The following PRKCH variants were observed in gnomAD, a reference collection of about 807,000 sequenced individuals.
PRKCH encodes the protein protein kinase C eta type.
A neutral mutation model predicts 82.5 loss-of-function variants in PRKCH; 28 were observed. The ratio of observed to expected loss-of-function variants is 0.34; its 90% CI spans 0.25 to 0.47. PRKCH has a LOEUF of 0.47. PRKCH is among the 20% of genes least tolerant of loss of function. The pLI is 1.00. For synonymous variants in PRKCH, 322 were observed against 327.4 expected (o/e 0.98, Z 0.18); for missense variants, 705 against 881.8 (o/e 0.80, Z 2.54).
At chr14:61,481,521 TCACAACTGTG>T (rs1555391761) in intron 9 of PRKCH, among the ~76,000 whole-genome samples, 1 of 152,246 alleles carries the variant, frequency 6.6e-6, no homozygotes, top group Non-Finnish European at 1.5e-5. Context: ...TCAAACAGCC[TCACAACTGTG>T]TCTTTCCCAT....
At chr14:61,530,698 C>A in intron 12 of PRKCH, 103 bp downstream of exon 12, 1 of 1,089,046 alleles carries the variant, frequency 9.2e-7, no homozygotes, top group Non-Finnish European at 1.3e-6. Flanking sequence ...ACCACTAGCT[C>A]TAACTAAAAT....
At position 61,356,989 on chromosome 14, in the gene PRKCH, G is replaced by C. The variant is rs543460894; in HGVS notation, c.364-34236G>C. 2.6e-5 allele frequency among the ~76,000 whole-genome samples: 4 copies of C among 152,310 alleles called. No individual in the cohort carries two copies. In the East Asian group the frequency reaches 7.7e-4, roughly 29 times the overall value. On this transcript the variant is annotated intron_variant, in intron 1 of 13. Coordinates refer to ENST00000332981, the MANE Select transcript of PRKCH (RefSeq NM_006255.5). ...GAGCCACCACACCTGGCCTTATTTAGTTCTTTCTTACTATGGCTAGAACCC... is the reference window on the plus strand; with the variant it reads ...GAGCCACCACACCTGGCCTTATTTACTTCTTTCTTACTATGGCTAGAACCC...
intron 12 of PRKCH, among the ~76,000 whole-genome samples, chr14:61,530,854 T>A (rs2043036747): frequency 6.6e-6 from 1 of 152,250 alleles, no homozygotes; most frequent in Non-Finnish European, 1.5e-5. Flanking sequence ...AAATAGCAAG[T>A]ATTTCTAGCA....
intron 9 of PRKCH, 97 bp from the exon 10 acceptor site, chr14:61,485,405 T>C: frequency 7.0e-7 from 1 of 1,423,280 alleles, no homozygotes; most frequent in Admixed American, 2.1e-5. Flanking sequence ...CACTTGACAG[T>C]GTCCTCTCTA....
At chr14:61,220,057 A>G (rs2044642931) in intron 1 of PRKCH, among the ~76,000 whole-genome samples, 1 of 152,182 alleles carries the variant, frequency 6.6e-6, no homozygotes, top group Non-Finnish European at 1.5e-5. Context: ...TCAGCGGTTC[A>G]TGGGAGACGC....
At chr14:61,527,542 A>G (rs2042982974) in intron 10 of PRKCH, among the ~76,000 whole-genome samples, 1 of 152,122 alleles carries the variant, frequency 6.6e-6, no homozygotes, top group Non-Finnish European at 1.5e-5. Flanking sequence ...TCAGGTCTTA[A>G]CATCTCTTCC....
At chr14:61,275,078 G>T (rs1485557687) in intron 1 of PRKCH, among the ~76,000 whole-genome samples, 1 of 152,102 alleles carries the variant, frequency 6.6e-6, no homozygotes, top group Non-Finnish European at 1.5e-5. Flanking sequence ...TCCCATTTTG[G>T]ATTCTTTAAC....
chr14:61,291,924 G>A (rs1030946942), intron 1 of PRKCH, among the ~76,000 whole-genome samples: 6 of 152,074 alleles, frequency 3.9e-5, no homozygotes, highest in Admixed American at 2.0e-4. Context: ...TAAAAACTGC[G>A]AGCGCTCTTA....
intron 2 of PRKCH, among the ~76,000 whole-genome samples, chr14:61,437,224 A>G (rs1478491387): frequency 6.6e-6 from 1 of 152,184 alleles, no homozygotes; most frequent in Non-Finnish European, 1.5e-5. Flanking sequence ...AGAGATCATC[A>G]TCATCTGTGT....
intron 1 of PRKCH, among the ~76,000 whole-genome samples, chr14:61,203,102 G>A (rs2044495308): frequency 6.6e-6 from 1 of 152,014 alleles, no homozygotes; most frequent in African/African-American, 2.4e-5. Context: ...TACCCACGAA[G>A]TGAAACCTGG....
intron 2 of PRKCH, among the ~76,000 whole-genome samples, chr14:61,398,712 G>A (rs545541616): frequency 9.9e-5 from 15 of 152,278 alleles, no homozygotes; most frequent in South Asian, 6.2e-4. Flanking sequence ...AGGGGACAGA[G>A]GAGCATTTTA....
intron 1 of PRKCH, among the ~76,000 whole-genome samples, chr14:61,373,767 A>AT (rs1414411039): frequency 1.3e-5 from 2 of 151,808 alleles, no homozygotes; most frequent in African/African-American, 4.9e-5. Context: ...TGCCCAGCTA[A>AT]TTTTTTTGTA....
At chr14:61,454,337 A>G (rs1163945095) in intron 7 of PRKCH, among the ~76,000 whole-genome samples, 2 of 152,078 alleles carry the variant, frequency 1.3e-5, no homozygotes, top group Non-Finnish European at 2.9e-5. Context: ...TTCTGATCTC[A>G]AGTGATCTGC....
chr14:61,449,856 GTCTCTCTCTCTCTCTCTCTCTCTCTCTC>G, intron 5 of PRKCH, among the ~76,000 whole-genome samples: 1 of 142,410 alleles, frequency 7.0e-6, no homozygotes, highest in East Asian at 2.1e-4. Flanking sequence ...CAGGGAAGAT[GTCTCTCTCTCTCTCTCTCTCTCTCTCTC>G]TCTCTCTCTC....
intron 1 of PRKCH, among the ~76,000 whole-genome samples, chr14:61,337,067 CAAAAAAAA>C (rs3028726): frequency 1.8e-5 from 1 of 55,088 alleles, no homozygotes; most frequent in South Asian, 9.6e-4. Flanking sequence ...CAGTCTGTCT[CAAAAAAAA>C]AAAAAAAAAA....
At chr14:61,548,289 G>A (rs1457016495) in intron 13 of PRKCH, among the ~76,000 whole-genome samples, 1 of 152,260 alleles carries the variant, frequency 6.6e-6, no homozygotes, top group Non-Finnish European at 1.5e-5. Context: ...AAAGCAGAGT[G>A]GGTAGGAGAT....
At chr14:61,263,882 TG>T (rs2045072763) in intron 1 of PRKCH, among the ~76,000 whole-genome samples, 1 of 149,176 alleles carries the variant, frequency 6.7e-6, no homozygotes, top group African/African-American at 2.5e-5. Context: ...TGTGTGTGTG[TG>T]TGTGTGTGTG....
At chr14:61,505,457 C>T (rs1339273847) in intron 10 of PRKCH, among the ~76,000 whole-genome samples, 1 of 133,852 alleles carries the variant, frequency 7.5e-6, no homozygotes, top group Non-Finnish European at 1.5e-5. Context: ...CCCACTGCAA[C>T]CTCCACCTAC....
rs192810068 is a variant in PRKCH at position 61,229,591 on chromosome 14, A to G, written c.-19+41923A>G. 7.2e-5 allele frequency among the ~76,000 whole-genome samples: 11 copies of G among 152,332 alleles called. No homozygotes were observed. The East Asian group carries it at 1.9e-3, about 27-fold the overall frequency. On this transcript the variant is annotated intron_variant, in intron 1 of 3. Coordinates refer to the PRKCH transcript ENST00000555185. Reference sequence around the variant, plus strand: ...AGCCTGTTTGATTAGAACAGCTTATATAACTGAAACCTGAGACCGAAGGGA... The same window carrying G: ...AGCCTGTTTGATTAGAACAGCTTATGTAACTGAAACCTGAGACCGAAGGGA...
Sources: gnomAD v4.1 joint callset for allele counts (sites outside exome capture counted in the v4.1 genomes callset) on GRCh38, gnomAD v4.1.1 for gene constraint, MANE v1.5 for transcripts, NCBI Gene and HGNC (gene_info 2026-07-23, HGNC 2026-07-21) for gene names.